The following KCNIP3 variants were observed in gnomAD, a reference collection of about 807,000 sequenced individuals.
KCNIP3 encodes calsenilin.
A neutral mutation model predicts 35.0 loss-of-function variants in KCNIP3; 28 were observed. The observed-to-expected ratio is 0.80, with a 90% CI of 0.59 to 1.10. The LOEUF (loss-of-function observed/expected upper bound fraction) is 1.10, where lower values mean the gene tolerates loss of function less well. KCNIP3 is among the 50% of genes least tolerant of loss of function. KCNIP3 has a pLI of 0.00. For missense variants in KCNIP3, 295 were observed against 338.4 expected (o/e 0.87, Z 1.01); for synonymous variants, 134 against 133.8 (o/e 1.00, Z -0.01).
intron 2 of KCNIP3, 49 bp from the exon 3 acceptor site, chr2:95,374,247 A>G: frequency 6.3e-7 from 1 of 1,593,696 alleles, no homozygotes; most frequent in Non-Finnish European, 8.6e-7. Flanking sequence ...AGCAAGATGG[A>G]GGAGCAGGGC....
chr2:95,336,505 GCTTA>G lies in KCNIP3; in HGVS notation c.181+25990_181+25993del, dbSNP rs370618309. ...GTTATTTTGAACTATGTCCTTATCT[GCTTA>G]CTTAAACATCTGAGTCATCTCTGAA... On this transcript the variant is annotated intron_variant, in intron 2 of 8. Transcript: ENST00000295225. Among the ~76,000 whole-genome samples the G allele has an allele frequency of 2.4e-4, 36 of 151,960 alleles. 1 individual carries two copies. In the South Asian group the frequency reaches 2.5e-3, roughly 11 times the overall value.
intron 2 of KCNIP3, among the ~76,000 whole-genome samples, chr2:95,336,004 A>T (rs1383642665): frequency 2.6e-5 from 4 of 152,030 alleles, no homozygotes; most frequent in Admixed American, 2.0e-4. Context: ...CGTTATTATC[A>T]TCTGTTGTAT....
chr2:95,332,921 G>C (rs1678968655), intron 2 of KCNIP3, among the ~76,000 whole-genome samples: 1 of 152,108 alleles, frequency 6.6e-6, no homozygotes, highest in Non-Finnish European at 1.5e-5. Context: ...ACATCCTTGG[G>C]GGTCTTCCAG....
chr2:95,375,313 G>T, intron 5 of KCNIP3, 105 bp downstream of exon 5: 1 of 1,055,168 alleles, frequency 9.5e-7, no homozygotes, highest in Non-Finnish European at 1.4e-6. Context: ...CATGGTCCTG[G>T]GTGGGAAGGA....
In KCNIP3 at chr2:95,386,048, A is replaced by G. The variant is rs573297656; in HGVS notation, c.*1999A>G. Reference sequence around the variant, plus strand: ...AGCATCCACTAATATTCAGTCCTGTATATTTTAATAAAATAAACTTGACAA... The same window carrying G: ...AGCATCCACTAATATTCAGTCCTGTGTATTTTAATAAAATAAACTTGACAA... On this transcript the variant is annotated 3_prime_UTR_variant, in exon 9 of 9. Transcript: ENST00000295225. 1 of 152,390 alleles carries G rather than the reference A, an allele frequency of 6.6e-6. No homozygotes were observed. Among genetic ancestry groups the G allele is most frequent in the Admixed American group, 6.5e-5 (1 of 15,310 alleles). 9.4% of individuals were successfully genotyped at this position (152,390 alleles called of 1,614,324 possible). A position where few individuals can be genotyped will look rare whatever the true frequency, so the allele number is the denominator to read the frequency against.
chr2:95,370,989 G>A (rs1040578182), intron 2 of KCNIP3, among the ~76,000 whole-genome samples: 1 of 151,766 alleles, frequency 6.6e-6, no homozygotes, highest in Non-Finnish European at 1.5e-5. Context: ...GGCTGGTCTT[G>A]AACTCCTGAC....
chr2:95,327,102 C>T (rs1341657171), intron 2 of KCNIP3, among the ~76,000 whole-genome samples: 1 of 152,238 alleles, frequency 6.6e-6, no homozygotes, highest in African/African-American at 2.4e-5. Flanking sequence ...CTAGACTGTG[C>T]CACGTCTACG....
At chr2:95,339,681 C>G (rs761328683) in intron 2 of KCNIP3, among the ~76,000 whole-genome samples, 10 of 152,222 alleles carry the variant, frequency 6.6e-5, no homozygotes, top group Non-Finnish European at 1.5e-4. Context: ...CTTATCTCTT[C>G]TGTTTGGTCC....
chr2:95,378,734 G>C lies in KCNIP3; in HGVS notation c.448-2862G>C, dbSNP rs1160416645. ...TGTACTCCATCCAGCCTGGGTGACAGAGTGAGACTCAATCTCAAAAACAAA... is the reference window on the plus strand; with the variant it reads ...TGTACTCCATCCAGCCTGGGTGACACAGTGAGACTCAATCTCAAAAACAAA... On this transcript the variant is annotated intron_variant, in intron 5 of 8. Transcript: ENST00000295225. This position sits in a 1 kb window ranked among gnomAD's most constrained non-coding sequence, Gnocchi z 4.0. Among the ~76,000 whole-genome samples the C allele has an allele frequency of 6.6e-6, 1 of 151,236 alleles. No individual in the cohort carries two copies. Among genetic ancestry groups the C allele is most frequent in the Non-Finnish European group, 1.5e-5 (1 of 67,878 alleles).
chr2:95,370,065 T>C (rs1330387555), intron 2 of KCNIP3, among the ~76,000 whole-genome samples: 1 of 152,202 alleles, frequency 6.6e-6, no homozygotes, highest in Non-Finnish European at 1.5e-5. Context: ...GTGTTGATAA[T>C]AGTTGTTTTA....
intron 2 of KCNIP3, among the ~76,000 whole-genome samples, chr2:95,318,056 A>C: frequency 6.8e-6 from 1 of 146,248 alleles, no homozygotes; most frequent in East Asian, 2.2e-4. Context: ...GGTAGGGGTG[A>C]CAGGGGGCAG....
chr2:95,344,650 A>T (rs1183890117), intron 2 of KCNIP3, among the ~76,000 whole-genome samples: 2 of 152,236 alleles, frequency 1.3e-5, no homozygotes. Context: ...AGGACCCCCA[A>T]GATGGCCTCC....
intron 2 of KCNIP3, among the ~76,000 whole-genome samples, chr2:95,363,582 T>C (rs1198598554): frequency 6.6e-6 from 1 of 152,242 alleles, no homozygotes; most frequent in Non-Finnish European, 1.5e-5. Context: ...TTTCTCCATA[T>C]ACATTTCAGT....
chr2:95,299,367 G>T (rs1677960671), intron 1 of KCNIP3, among the ~76,000 whole-genome samples: 1 of 152,212 alleles, frequency 6.6e-6, no homozygotes, highest in Non-Finnish European at 1.5e-5. Context: ...TCTTGTGGCA[G>T]CAGGGACTGT....
rs564778596 is a variant in KCNIP3 at position 95,380,501 on chromosome 2, C to T, written c.448-1095C>T. On this transcript the variant is annotated intron_variant, in intron 5 of 8. Coordinates refer to ENST00000295225, the MANE Select transcript of KCNIP3 (RefSeq NM_013434.5). ...CAGCCCCTTTCTCACCCCTTTCTTT[C>T]AGAGTAGCCTGGGAGGACCCCAGGG... 5.9e-5 allele frequency among the ~76,000 whole-genome samples: 9 copies of T among 152,324 alleles called. No homozygotes were observed. In the South Asian group the frequency reaches 1.7e-3, roughly 28 times the overall value.
rs145386915 is a variant in KCNIP3 at position 95,331,984 on chromosome 2, G to A, written c.181+21464G>A. 3.9e-5 allele frequency among the ~76,000 whole-genome samples: 6 copies of A among 152,354 alleles called. No homozygotes were observed. The East Asian group carries it at 5.8e-4, about 15-fold the overall frequency. ...TCTGCATGTGAGAGGTGAAGGACAC[G>A]GTGTGAGCGGACTTTTCTGGTCATC... On this transcript the variant is annotated intron_variant, in intron 2 of 8. Coordinates refer to ENST00000295225, the MANE Select transcript of KCNIP3 (RefSeq NM_013434.5).
chr2:95,341,428 G>C, intron 2 of KCNIP3, among the ~76,000 whole-genome samples: 1 of 152,172 alleles, frequency 6.6e-6, no homozygotes, highest in Non-Finnish European at 1.5e-5. Flanking sequence ...AGCAATGTGA[G>C]AATGGACTAA....
At chr2:95,347,458 A>T (rs537041468) in intron 2 of KCNIP3, among the ~76,000 whole-genome samples, 3 of 152,294 alleles carry the variant, frequency 2.0e-5, no homozygotes, top group Admixed American at 6.5e-5. Context: ...CGCAGGGTGC[A>T]GATGACAGGA....
chr2:95,353,098 G>A (rs528484876), intron 2 of KCNIP3, among the ~76,000 whole-genome samples: 1 of 152,332 alleles, frequency 6.6e-6, no homozygotes, highest in African/African-American at 2.4e-5. Context: ...GGCTGTAAGG[G>A]CCTCCCAGCT....
Sources: gnomAD v4.1 joint callset for allele counts (sites outside exome capture counted in the v4.1 genomes callset) on GRCh38, gnomAD v4.1.1 for gene constraint, Gnocchi (gnomAD v3.1) non-coding constraint, MANE v1.5 for transcripts, NCBI Gene and HGNC (gene_info 2026-07-23, HGNC 2026-07-21) for gene names.